Variants in CHCHD3 observed in about 807,000 individuals in gnomAD.
CHCHD3 encodes MICOS complex subunit MIC19.
A neutral mutation model predicts 38.2 loss-of-function variants in CHCHD3; 20 were observed. That is an observed-to-expected ratio of 0.52 (90% CI 0.37 to 0.76). CHCHD3 has a LOEUF of 0.76. Among genes scored for constraint, CHCHD3 ranks in the 30% least tolerant of loss-of-function variants. The pLI is 0.00. For missense variants in CHCHD3, 245 were observed against 279.2 expected, an observed-to-expected ratio of 0.88 and a Z score of 0.87; for synonymous variants, 82 against 100.0, an observed-to-expected ratio of 0.82 and a Z score of 1.07.
chr7:132,898,644 T>C lies in CHCHD3; in HGVS notation c.370-12899A>G, dbSNP rs553011506. Among the ~76,000 whole-genome samples the C allele has an allele frequency of 6.6e-3, 1,003 of 151,758 alleles. 11 individuals carry two copies. Among genetic ancestry groups the C allele is most frequent in the African/African-American group, 0.022 (931 of 41,528 alleles). ...TTGGGTGGTCGATGGGACTGGGCGC[T>C]GTGGAGCAGGGGGTGGCGCTCGTCG... On this transcript the variant is annotated intron_variant, in intron 4 of 7. Transcript: ENST00000262570.
At chr7:133,061,472 A>G (rs1220993796) in intron 2 of CHCHD3, among the ~76,000 whole-genome samples, 1 of 151,760 alleles carries the variant, frequency 6.6e-6, no homozygotes, top group Non-Finnish European at 1.5e-5. Flanking sequence ...ACAAGCAAAA[A>G]AAAAAAAAAA....
chr7:132,908,380 A>G lies in CHCHD3; in HGVS notation c.370-22635T>C, dbSNP rs182963942. 1.1e-4 allele frequency among the ~76,000 whole-genome samples: 17 copies of G among 152,290 alleles called. No individual in the cohort carries two copies. In the South Asian group the frequency reaches 1.5e-3, roughly 13 times the overall value. ...ATATAAAGTCCCAAACCTTAGAAAA[A>G]TCATGCTGGCTCTAGATATAAATTT... is the stretch of plus-strand genomic sequence containing the variant. On this transcript the variant is annotated intron_variant, in intron 4 of 7. Transcript: ENST00000262570.
At chr7:132,827,288 G>T (rs1807531219) in intron 6 of CHCHD3, among the ~76,000 whole-genome samples, 1 of 152,176 alleles carries the variant, frequency 6.6e-6, no homozygotes, top group Admixed American at 6.5e-5. Context: ...TTGGGTTCTG[G>T]AATTTGGAAT....
At position 133,035,760 on chromosome 7, in the gene CHCHD3, G is replaced by A. The variant is rs1813655859; in HGVS notation, c.170-11133C>T. 6.2e-6 allele frequency: 10 copies of A among 1,613,182 alleles called. No homozygotes were observed. In the Admixed American group the frequency reaches 1.7e-4, roughly 27 times the overall value. On this transcript the variant is annotated intron_variant, in intron 2 of 7. Coordinates refer to ENST00000262570, the MANE Select transcript of CHCHD3 (RefSeq NM_017812.4). This position sits in a 1 kb window ranked among gnomAD's most constrained non-coding sequence, Gnocchi z 4.7. ...CTCAAATGCTGGGACCTTGCCGGCA[G>A]GAAATTTGCGAAGAAATTCAGAGGT...
At chr7:132,967,190 T>C (rs1364321892) in intron 4 of CHCHD3, among the ~76,000 whole-genome samples, 2 of 152,222 alleles carry the variant, frequency 1.3e-5, no homozygotes, top group Non-Finnish European at 2.9e-5. Flanking sequence ...TTAGAAAATA[T>C]GAGAACACAT....
chr7:132,989,459 C>T (rs1358623189), intron 3 of CHCHD3, among the ~76,000 whole-genome samples: 4 of 152,044 alleles, frequency 2.6e-5, no homozygotes, highest in Admixed American at 6.5e-5. Context: ...GGATTACCTA[C>T]AGCCATAATC....
Position 133,082,069 on chromosome 7 carries a change from G to A in CHCHD3, c.-132C>T, listed in dbSNP as rs1445428289. The A allele has an allele frequency of 8.9e-6, 7 of 782,260 alleles. No individual in the cohort carries two copies. Among genetic ancestry groups the A allele is most frequent in the Non-Finnish European group, 1.4e-5 (7 of 508,530 alleles). The allele number at this position is 782,260 out of a possible 1,614,324, so 48.5% of individuals were successfully genotyped here. A position where few individuals can be genotyped will look rare whatever the true frequency, so the allele number is the denominator to read the frequency against. On this transcript the variant is annotated 5_prime_UTR_variant, in exon 1 of 8. Transcript: ENST00000262570. ...GGGAGCAAGGCCACGACCCCCAGAAGCAAGGAGAAGGCGCCGGTCCTGAGC... is the reference window on the plus strand; with the variant it reads ...GGGAGCAAGGCCACGACCCCCAGAAACAAGGAGAAGGCGCCGGTCCTGAGC...
At chr7:133,041,065 G>C (rs1813823566) in intron 2 of CHCHD3, among the ~76,000 whole-genome samples, 1 of 152,150 alleles carries the variant, frequency 6.6e-6, no homozygotes, top group African/African-American at 2.4e-5. Context: ...AGCTAAGAAG[G>C]TCGCCTGTAG....
chr7:132,878,365 A>G (rs1351895403), intron 5 of CHCHD3, among the ~76,000 whole-genome samples: 2 of 152,188 alleles, frequency 1.3e-5, no homozygotes, highest in African/African-American at 4.8e-5. Context: ...GAAGTCACAC[A>G]CAATCAAAAG....
chr7:132,955,590 A>G (rs1250134554), intron 4 of CHCHD3, among the ~76,000 whole-genome samples: 2 of 151,730 alleles, frequency 1.3e-5, no homozygotes, highest in African/African-American at 4.8e-5. Context: ...GACTTTGAAT[A>G]AAACATTACC....
intron 4 of CHCHD3, among the ~76,000 whole-genome samples, chr7:132,947,554 T>C (rs974427341): frequency 6.6e-6 from 1 of 152,050 alleles, no homozygotes; most frequent in Admixed American, 6.6e-5. Context: ...TCTCTTTTAA[T>C]AAATATCAAG....
chr7:133,059,157 A>T (rs1170797611), intron 2 of CHCHD3, among the ~76,000 whole-genome samples: 2 of 152,204 alleles, frequency 1.3e-5, no homozygotes, highest in Non-Finnish European at 2.9e-5. Context: ...CATGATCCTC[A>T]AGTGAGAAGC....
chr7:132,792,675 A>G (rs190584413), intron 7 of CHCHD3, among the ~76,000 whole-genome samples: 16 of 152,306 alleles, frequency 1.1e-4, no homozygotes, highest in African/African-American at 3.6e-4. Flanking sequence ...TATATACTTC[A>G]AAGCAGAATC....
chr7:133,022,868 A>AC (rs1813230240), intron 3 of CHCHD3, among the ~76,000 whole-genome samples: 1 of 148,788 alleles, frequency 6.7e-6, no homozygotes, highest in African/African-American at 2.5e-5. Flanking sequence ...AAAAAAAAAA[A>AC]CCCACAGTGA....
At chr7:132,945,324 C>T (rs986714415) in intron 4 of CHCHD3, among the ~76,000 whole-genome samples, 1 of 151,876 alleles carries the variant, frequency 6.6e-6, no homozygotes, top group East Asian at 1.9e-4. Context: ...AGAAATAATG[C>T]TTTTCAAGTA....
intron 3 of CHCHD3, among the ~76,000 whole-genome samples, chr7:133,013,352 T>C (rs1173114016): frequency 6.6e-6 from 1 of 152,184 alleles, no homozygotes; most frequent in Admixed American, 6.5e-5. Flanking sequence ...CTCTGCTTTC[T>C]GGCTATGTGG....
intron 6 of CHCHD3, among the ~76,000 whole-genome samples, chr7:132,836,573 G>C (rs1253679173): frequency 6.6e-6 from 1 of 152,054 alleles, no homozygotes; most frequent in Non-Finnish European, 1.5e-5. Context: ...CTGGGTTCAA[G>C]CAGTCTGCCA....
chr7:132,871,741 G>C (rs1285056990), intron 5 of CHCHD3, among the ~76,000 whole-genome samples: 1 of 151,782 alleles, frequency 6.6e-6, no homozygotes, highest in Non-Finnish European at 1.5e-5. Flanking sequence ...CAGGTAAACT[G>C]TGTCTGCTTC....
At chr7:133,013,765 T>A (rs1031366658) in intron 3 of CHCHD3, among the ~76,000 whole-genome samples, 1 of 152,118 alleles carries the variant, frequency 6.6e-6, no homozygotes, top group Non-Finnish European at 1.5e-5. Flanking sequence ...TAAGAATGTA[T>A]AAATGATTTT....
Sources: allele counts gnomAD v4.1 joint callset (sites outside exome capture counted in the v4.1 genomes callset), GRCh38; gene constraint gnomAD v4.1.1; non-coding constraint Gnocchi (gnomAD v3.1); transcripts MANE v1.5; gene names NCBI Gene and HGNC (gene_info 2026-07-23, HGNC 2026-07-21).